Variants in LHCGR observed in about 807,000 individuals in gnomAD.
LHCGR encodes the protein lutropin-choriogonadotropic hormone receptor.
LHCGR carries 55 observed loss-of-function variants against 60.7 expected under a neutral mutation model. The ratio of observed to expected loss-of-function variants is 0.91; its 90% confidence interval spans 0.73 to 1.13. The LOEUF (loss-of-function observed/expected upper bound fraction) is 1.13. Among genes scored for constraint, LHCGR ranks in the 50% most tolerant of loss-of-function variants. LHCGR has a pLI of 0.00. For synonymous variants in LHCGR, 337 were observed against 316.5 expected (o/e 1.06, Z -0.69); for missense variants, 862 against 836.0 (o/e 1.03, Z -0.38).
At chr2:48,719,128 C>G (rs932822019) in intron 6 of LHCGR, among the ~76,000 whole-genome samples, 1 of 151,452 alleles carries the variant, frequency 6.6e-6, no homozygotes, top group African/African-American at 2.4e-5. Context: ...CAAGACCATC[C>G]TGGCTAACAC....
chr2:48,749,453 C>T (rs542906083), intron 1 of LHCGR, among the ~76,000 whole-genome samples: 2 of 152,334 alleles, frequency 1.3e-5, no homozygotes, highest in South Asian at 4.1e-4. Flanking sequence ...GGAGCCAGCC[C>T]TCTCAGCTGT....
At chr2:48,712,298 G>T (rs1668030963) in intron 7 of LHCGR, among the ~76,000 whole-genome samples, 1 of 151,936 alleles carries the variant, frequency 6.6e-6, no homozygotes, top group African/African-American at 2.4e-5. Flanking sequence ...AGCTCCTGTA[G>T]GGCGACACTA....
rs61996322 is a variant in LHCGR at position 48,709,018 on chromosome 2, G to A, written c.610C>T (p.Leu204=). ...FNGTTLTSLE[L]KENVHLEKMH... is the part of the protein sequence containing the mutation. Reference sequence around the variant, plus strand: ...TTCTCCAGATGTACGTTTTCCTTTAGCTCCCTGTGGGGAAGGATATTGCCC... The same window carrying A: ...TTCTCCAGATGTACGTTTTCCTTTAACTCCCTGTGGGGAAGGATATTGCCC... Residue 204 remains leucine (L), a synonymous_variant, in exon 8 of 11, where the codon CTA becomes TTA. Transcript: ENST00000294954. The A allele has an allele frequency of 3.3e-3, 5,387 of 1,613,792 alleles. 52 individuals carry two copies. Among genetic ancestry groups the A allele is most frequent in the Non-Finnish European group, 2.6e-3 (3,115 of 1,179,652 alleles).
chr2:48,701,083 T>G (rs1247562954), intron 8 of LHCGR, among the ~76,000 whole-genome samples: 1 of 149,858 alleles, frequency 6.7e-6, no homozygotes, highest in Non-Finnish European at 1.5e-5. Context: ...AAGTAGAGAG[T>G]CAAAAGTGGA....
At chr2:48,719,294 G>A (rs1443895546) in intron 6 of LHCGR, among the ~76,000 whole-genome samples, 1 of 152,148 alleles carries the variant, frequency 6.6e-6, no homozygotes, top group Non-Finnish European at 1.5e-5. Flanking sequence ...TGCTTGGCTG[G>A]TTAGACACAG....
chr2:48,705,957 G>A (rs530171933), intron 8 of LHCGR, among the ~76,000 whole-genome samples: 39 of 152,244 alleles, frequency 2.6e-4, no homozygotes, highest in African/African-American at 9.4e-4. Flanking sequence ...TGGTTATTTT[G>A]CCTGTTAGTT....
At chr2:48,755,143 A>G (rs1670149546) in intron 1 of LHCGR, among the ~76,000 whole-genome samples, 2 of 151,906 alleles carry the variant, frequency 1.3e-5, no homozygotes, top group Non-Finnish European at 2.9e-5. Context: ...CAAGGCTCAA[A>G]GGCCTGTAAG....
chr2:48,721,839 G>A lies in LHCGR; in HGVS notation c.536+1617C>T, dbSNP rs78842424. On this transcript the variant is annotated intron_variant, in intron 6 of 10. Coordinates refer to ENST00000294954, the MANE Select transcript of LHCGR (RefSeq NM_000233.4). ...GATTTTAGGAGCAGAATTAAATCAG[G>A]GTCACTGGGCTTTAGGTATAAAGAA... 2.3e-4 allele frequency: 106 copies of A among 469,070 alleles called. 2 individuals are homozygous for A. In the East Asian group the frequency reaches 7.1e-3, roughly 31 times the overall value. 29.1% of individuals were successfully genotyped at this position (469,070 alleles called of 1,614,324 possible).
At chr2:48,747,031 G>A (rs1338329679) in intron 1 of LHCGR, among the ~76,000 whole-genome samples, 1 of 151,662 alleles carries the variant, frequency 6.6e-6, no homozygotes, top group Non-Finnish European at 1.5e-5. Context: ...AAGTAACTGT[G>A]TAAAAGTTGG....
intron 10 of LHCGR, among the ~76,000 whole-genome samples, chr2:48,689,586 C>T (rs186022036): frequency 6.6e-6 from 1 of 152,252 alleles, no homozygotes; most frequent in Non-Finnish European, 1.5e-5. Context: ...GAAAACATTG[C>T]TCTTTAGGGG....
chr2:48,740,521 T>C (rs1202665164), intron 1 of LHCGR, among the ~76,000 whole-genome samples: 1 of 152,170 alleles, frequency 6.6e-6, no homozygotes, highest in Non-Finnish European at 1.5e-5. Flanking sequence ...CCTCCTCAAG[T>C]GGGTCCCTGA....
chr2:48,696,559 A>G (rs1347061948), intron 9 of LHCGR, among the ~76,000 whole-genome samples: 1 of 152,214 alleles, frequency 6.6e-6, no homozygotes. Flanking sequence ...GATTTCTCAC[A>G]GAATGATCAC....
chr2:48,709,798 C>A (rs759048544), intron 7 of LHCGR, among the ~76,000 whole-genome samples: 1 of 152,188 alleles, frequency 6.6e-6, no homozygotes, highest in African/African-American at 2.4e-5. Flanking sequence ...CCTAGGCAGC[C>A]TCCTTTCTGG....
chr2:48,698,498 G>T (rs572349987), intron 9 of LHCGR, 117 bp downstream of exon 9: 2 of 796,986 alleles, frequency 2.5e-6, no homozygotes, highest in Non-Finnish European at 4.3e-6. Context: ...CCATGTCTAC[G>T]GAGCTGGCCA....
chr2:48,692,420 C>T (rs1457091900), intron 10 of LHCGR, among the ~76,000 whole-genome samples: 2 of 152,178 alleles, frequency 1.3e-5, no homozygotes, highest in Non-Finnish European at 2.9e-5. Flanking sequence ...CCCTTCTGGG[C>T]ATATGTCTAG....
At chr2:48,750,050 G>C (rs1393756458) in intron 1 of LHCGR, among the ~76,000 whole-genome samples, 1 of 152,184 alleles carries the variant, frequency 6.6e-6, no homozygotes, top group Non-Finnish European at 1.5e-5. Flanking sequence ...CCTCAACCTT[G>C]GGCCTTTGTT....
At chr2:48,752,993 G>GGT (rs1670044965) in intron 1 of LHCGR, among the ~76,000 whole-genome samples, 1 of 111,496 alleles carries the variant, frequency 9.0e-6, no homozygotes, top group Non-Finnish European at 1.8e-5. Flanking sequence ...GGGGGGGGGG[G>GGT]GGGTGGGGAA....
chr2:48,704,518 C>A (rs55871926), intron 8 of LHCGR, among the ~76,000 whole-genome samples: 14,951 of 152,194 alleles, frequency 0.098, 858 homozygotes, highest in Middle Eastern at 0.17. Flanking sequence ...CTGCCTGGTC[C>A]TGGACTCTTT....
At chr2:48,742,008 C>A (rs1047771939) in intron 1 of LHCGR, among the ~76,000 whole-genome samples, 2 of 151,812 alleles carry the variant, frequency 1.3e-5, no homozygotes, top group Admixed American at 6.6e-5. Context: ...TCTACCAAGC[C>A]AATGGAAAAC....
Sources: allele counts gnomAD v4.1 joint callset (sites outside exome capture counted in the v4.1 genomes callset), GRCh38; gene constraint gnomAD v4.1.1; transcripts MANE v1.5; gene names NCBI Gene and HGNC (gene_info 2026-07-23, HGNC 2026-07-21).